The following PLPP3 variants were observed in gnomAD, a reference collection of about 807,000 sequenced individuals.
The protein encoded by PLPP3 is phospholipid phosphatase 3, also known as PAP2 beta.
A neutral mutation model predicts 29.6 loss-of-function variants in PLPP3; 6 were observed. The ratio of observed to expected loss-of-function variants is 0.20; its 90% confidence interval spans 0.11 to 0.40. The LOEUF is 0.40. Ranked by LOEUF, PLPP3 falls within the 10% of genes least tolerant of loss-of-function variation. PLPP3 has a pLI of 1.00. For synonymous variants in PLPP3, 152 were observed against 159.7 expected (o/e 0.95, Z 0.36); for missense variants, 308 against 407.7 (o/e 0.76, Z 2.11).
chr1:56,574,266 A>C (rs1646219885), intron 1 of PLPP3, among the ~76,000 whole-genome samples: 4 of 151,928 alleles, frequency 2.6e-5, no homozygotes, highest in Non-Finnish European at 5.9e-5. Context: ...TAGAAAAGTC[A>C]ACAGGGCTTA....
intron 1 of PLPP3, 96 bp from the exon 2 acceptor site, chr1:56,537,208 T>G: frequency 7.7e-7 from 1 of 1,300,484 alleles, no homozygotes; most frequent in South Asian, 1.4e-5. Flanking sequence ...GAAAAGACCA[T>G]CCCAAATATC....
intron 1 of PLPP3, among the ~76,000 whole-genome samples, chr1:56,555,312 G>A (rs1646067377): frequency 6.6e-6 from 1 of 151,444 alleles, no homozygotes; most frequent in Admixed American, 6.6e-5. Flanking sequence ...TAAGGACCAT[G>A]GGCTGGCTGG....
intron 1 of PLPP3, among the ~76,000 whole-genome samples, chr1:56,539,109 T>C (rs1362975592): frequency 1.3e-5 from 2 of 152,146 alleles, no homozygotes; most frequent in African/African-American, 4.8e-5. Context: ...GAGAGAATAC[T>C]GAGCTCATTC....
intron 1 of PLPP3, among the ~76,000 whole-genome samples, chr1:56,577,674 T>A (rs973731620): frequency 2.0e-5 from 3 of 152,164 alleles, no homozygotes; most frequent in African/African-American, 7.2e-5. Flanking sequence ...GCAGGAGCTG[T>A]ATTTTAAGGG....
chr1:56,544,769 A>G (rs1003950593), intron 1 of PLPP3, among the ~76,000 whole-genome samples: 1 of 152,204 alleles, frequency 6.6e-6, no homozygotes, highest in South Asian at 2.1e-4. Context: ...AGCAACCTAG[A>G]AAGTCAGCTA....
intron 1 of PLPP3, chr1:56,538,538 G>A (rs1296040769): frequency 1.5e-5 from 6 of 399,380 alleles, no homozygotes; most frequent in Non-Finnish European, 9.9e-6. Flanking sequence ...ATTTGGCCAC[G>A]TATATGAGAA....
In PLPP3 at chr1:56,509,069, G is replaced by A. The variant is rs188943288; in HGVS notation, c.810+2907C>T. Among the ~76,000 whole-genome samples, 174 of 152,280 alleles carry A rather than the reference G, an allele frequency of 1.1e-3. 2 individuals are homozygous for A. The highest frequency in any genetic ancestry group is 2.1e-3 in the South Asian group (10 of 4,828). On this transcript the variant is annotated intron_variant, in intron 5 of 5. Coordinates refer to ENST00000371250, the MANE Select transcript of PLPP3 (RefSeq NM_003713.5). ...AATGAAATGAATCTCTCAGTGCTGC[G>A]ATTCCAAGCCATTCTGGACCATGAG...
At chr1:56,517,222 T>C (rs1645787002) in intron 4 of PLPP3, among the ~76,000 whole-genome samples, 1 of 152,250 alleles carries the variant, frequency 6.6e-6, no homozygotes, top group Non-Finnish European at 1.5e-5. Context: ...TCCAGACCAC[T>C]GACACCCAGT....
intron 5 of PLPP3, among the ~76,000 whole-genome samples, chr1:56,509,853 A>AT (rs377448398): frequency 7.2e-6 from 1 of 139,268 alleles, no homozygotes; most frequent in Non-Finnish European, 1.5e-5. Context: ...AAAAAAAAAA[A>AT]GGAAGACAAT....
intron 4 of PLPP3, among the ~76,000 whole-genome samples, chr1:56,514,785 C>A (rs1645770080): frequency 1.3e-5 from 2 of 152,086 alleles, no homozygotes; most frequent in Non-Finnish European, 2.9e-5. Flanking sequence ...GCACTGAGTA[C>A]CACACTCTCA....
intron 5 of PLPP3, 36 bp downstream of exon 5, chr1:56,511,940 G>T: frequency 2.5e-6 from 4 of 1,608,880 alleles, no homozygotes; most frequent in Non-Finnish European, 3.4e-6. Flanking sequence ...ACAGTCCAGG[G>T]CTCCACTTGC....
chr1:56,512,026 T>C lies in PLPP3; in HGVS notation c.760A>G (p.Ser254Gly), dbSNP rs1418008908. ...SRVSDHKHHPSDVLAGFAQGA... is the reference protein window; with the variant it reads ...SRVSDHKHHPGDVLAGFAQGA... The stretch of plus-strand genomic sequence containing the variant: ...TGAGCAAATCCTGCCAGAACATCAC[T>C]GGGATGGTGCTTGTGGTCTGATACG... Residue 254 changes from serine (S) to glycine (G), a missense_variant, in exon 5 of 6, where the codon AGT becomes GGT. By Grantham distance (56) the Ser-to-Gly change is moderately conservative. Around this residue, in one of 3 missense-constraint regions of PLPP3, gnomAD observed 232 missense variants for 317.2 expected, o/e 0.73. Coordinates refer to ENST00000371250, the MANE Select transcript of PLPP3 (RefSeq NM_003713.5). 1.9e-6 allele frequency: 3 copies of C among 1,613,392 alleles called. No homozygotes were observed. Among genetic ancestry groups the C allele is most frequent in the South Asian group, 2.2e-5 (2 of 90,894 alleles).
intron 2 of PLPP3, among the ~76,000 whole-genome samples, chr1:56,530,202 T>G (rs191697729): frequency 1.9e-3 from 287 of 152,216 alleles, no homozygotes; most frequent in African/African-American, 6.7e-3. Context: ...GTCTGCTTCT[T>G]CTAGTGGTTC....
chr1:56,520,638 TGGTG>T (rs1241721104), intron 4 of PLPP3, among the ~76,000 whole-genome samples: 9 of 120,602 alleles, frequency 7.5e-5, no homozygotes, highest in Non-Finnish European at 1.5e-4. Flanking sequence ...CTGAGGTGGG[TGGTG>T]GCTCATGCCT....
In PLPP3 at chr1:56,524,338, A is replaced by G. The variant is rs747029264; in HGVS notation, c.514T>C (p.Ser172Pro). Residue 172 changes from serine (S) to proline (P), a missense_variant, in exon 3 of 6, where the codon TCT (serine) becomes CCT (proline). Physicochemically the swap from Ser to Pro is moderately conservative, Grantham distance 74. This residue lies in a region of PLPP3 where 232 missense variants were observed against 317.2 expected (regional missense o/e 0.73). Transcript: ENST00000371250. The surrounding 1 kb of genome is among the most constrained non-coding windows in gnomAD (Gnocchi z 4.3). Reference protein sequence around the residue: ...CNPDFSQINCSEGYIQNYRCR... With the variant: ...CNPDFSQINCPEGYIQNYRCR... ...CTGTAGTTCTGAATGTAGCCTTCAGAGCAGTTGATCTGGCTGAAATCAGGG... is the reference window on the plus strand; with the variant it reads ...CTGTAGTTCTGAATGTAGCCTTCAGGGCAGTTGATCTGGCTGAAATCAGGG... The G allele has an allele frequency of 1.9e-6, 3 of 1,614,040 alleles. No individual in the cohort carries two copies. The South Asian group carries it at 3.3e-5, about 18-fold the overall frequency.
At chr1:56,559,617 A>G (rs185041599) in intron 1 of PLPP3, among the ~76,000 whole-genome samples, 2 of 151,596 alleles carry the variant, frequency 1.3e-5, no homozygotes, top group East Asian at 3.9e-4. Context: ...ATGTTAAGGT[A>G]CAAATGACTG....
chr1:56,521,668 C>A (rs1645820495), intron 4 of PLPP3, among the ~76,000 whole-genome samples: 1 of 151,752 alleles, frequency 6.6e-6, no homozygotes, highest in Admixed American at 6.6e-5. Context: ...CTCTTAAGTG[C>A]CGAGATTACA....
intron 2 of PLPP3, among the ~76,000 whole-genome samples, chr1:56,530,187 T>C (rs967664000): frequency 3.3e-5 from 5 of 152,048 alleles, no homozygotes; most frequent in South Asian, 2.1e-4. Context: ...TATTTCTAAA[T>C]GTATGTCTGC....
chr1:56,569,789 A>G (rs1279099185), intron 1 of PLPP3, among the ~76,000 whole-genome samples: 5 of 152,086 alleles, frequency 3.3e-5, no homozygotes, highest in Non-Finnish European at 7.4e-5. Flanking sequence ...CAAACACACA[A>G]TATTGACATT....
Sources: allele counts gnomAD v4.1 joint callset (sites outside exome capture counted in the v4.1 genomes callset), GRCh38; gene constraint gnomAD v4.1.1; regional missense constraint gnomAD v4.1.1; non-coding constraint Gnocchi (gnomAD v3.1); transcripts MANE v1.5; gene names NCBI Gene and HGNC (gene_info 2026-07-23, HGNC 2026-07-21).